The following NRXN3 variants were observed in gnomAD, a reference collection of about 807,000 sequenced individuals.
NRXN3 encodes neurexin 3.
Under a neutral mutation model 137.6 loss-of-function variants are expected in NRXN3, and 32 were observed. That is an observed-to-expected ratio of 0.23 (90% CI 0.18 to 0.31). NRXN3 has a LOEUF of 0.31. Ranked by LOEUF, NRXN3 falls within the 10% of genes least tolerant of loss-of-function variation. The pLI is 1.00. For missense variants in NRXN3, 1,574 were observed against 2,062.5 expected (o/e 0.76, Z 4.59); for synonymous variants, 798 against 784.5 (o/e 1.02, Z -0.29).
intron 10 of NRXN3, among the ~76,000 whole-genome samples, chr14:78,940,030 G>C (rs2099350017): frequency 6.6e-6 from 1 of 152,108 alleles, no homozygotes; most frequent in African/African-American, 2.4e-5. Flanking sequence ...TTTTGATCTA[G>C]GAGATAAAAC....
chr14:78,908,449 G>A (rs748191485), intron 10 of NRXN3, among the ~76,000 whole-genome samples: 2 of 151,670 alleles, frequency 1.3e-5, no homozygotes, highest in Admixed American at 6.6e-5. Flanking sequence ...TCTGATTGTT[G>A]GAACTTCCTC....
chr14:79,571,038 C>G (rs1315952368), intron 16 of NRXN3, among the ~76,000 whole-genome samples: 38 of 152,162 alleles, frequency 2.5e-4, no homozygotes, highest in Non-Finnish European at 4.4e-5. Flanking sequence ...AGGGCTTCAA[C>G]AGATGATTTT....
chr14:79,781,073 T>C (rs2099112398), intron 19 of NRXN3, among the ~76,000 whole-genome samples: 1 of 152,120 alleles, frequency 6.6e-6, no homozygotes, highest in Non-Finnish European at 1.5e-5. Context: ...ACTAAACCCT[T>C]AAAACTACAT....
At chr14:79,233,539 T>C (rs753665123) in intron 15 of NRXN3, among the ~76,000 whole-genome samples, 1 of 152,184 alleles carries the variant, frequency 6.6e-6, no homozygotes, top group Non-Finnish European at 1.5e-5. Flanking sequence ...GAGCCTATAA[T>C]GAACTCCAGT....
chr14:79,301,724 T>C (rs1441887469), intron 15 of NRXN3, among the ~76,000 whole-genome samples: 3 of 151,542 alleles, frequency 2.0e-5, no homozygotes, highest in Non-Finnish European at 4.4e-5. Context: ...GTGTATGTAT[T>C]TGTGGGGTGT....
intron 15 of NRXN3, among the ~76,000 whole-genome samples, chr14:79,270,548 C>T (rs2079148971): frequency 6.6e-6 from 1 of 152,128 alleles, no homozygotes; most frequent in African/African-American, 2.4e-5. Flanking sequence ...TTTAAGCTGT[C>T]TGGCTCTAGG....
chr14:79,810,570 A>G (rs2099228395), intron 20 of NRXN3, among the ~76,000 whole-genome samples: 1 of 152,188 alleles, frequency 6.6e-6, no homozygotes, highest in South Asian at 2.1e-4. Flanking sequence ...TCACATTTGC[A>G]TTTCGGTGTT....
At chr14:78,269,819 A>G (rs147091784) in intron 2 of NRXN3, among the ~76,000 whole-genome samples, 1 of 152,160 alleles carries the variant, frequency 6.6e-6, no homozygotes, top group Non-Finnish European at 1.5e-5. Flanking sequence ...TGCTTCTCCT[A>G]GAACATTCAT....
intron 15 of NRXN3, among the ~76,000 whole-genome samples, chr14:79,273,559 A>G (rs10147489): frequency 0.35 from 52,407 of 151,840 alleles, 9,323 homozygotes; most frequent in Admixed American, 0.45. Context: ...GCATGAACCC[A>G]GGAGGCGCAG....
chr14:79,295,891 G>A (rs752368678), intron 15 of NRXN3, among the ~76,000 whole-genome samples: 10 of 152,004 alleles, frequency 6.6e-5, no homozygotes, highest in African/African-American at 9.6e-5. Flanking sequence ...TACTTTTTTC[G>A]CTATAGAAGT....
At chr14:78,678,714 C>A (rs2098038552) in intron 6 of NRXN3, among the ~76,000 whole-genome samples, 1 of 152,050 alleles carries the variant, frequency 6.6e-6, no homozygotes, top group South Asian at 2.1e-4. Context: ...GCCAGATTTA[C>A]CCTGTAAAAC....
At position 79,504,482 on chromosome 14, in the gene NRXN3, C is replaced by T. The variant is rs74614571; in HGVS notation, c.3444+37080C>T. 7.3e-3 allele frequency among the ~76,000 whole-genome samples: 1,107 copies of T among 151,234 alleles called. 105 individuals carry two copies. In the East Asian group the frequency reaches 0.18, roughly 24 times the overall value. ...AACTTACGTCTTCCAAAAAGACTAC[C>T]AGGATTAAACCAACCACTGAATCAT... On this transcript the variant is annotated intron_variant, in intron 16 of 20. Coordinates refer to ENST00000335750, the MANE Select transcript of NRXN3 (RefSeq NM_001330195.2).
At chr14:79,780,133 G>T (rs1433799052) in intron 19 of NRXN3, among the ~76,000 whole-genome samples, 1 of 151,674 alleles carries the variant, frequency 6.6e-6, no homozygotes, top group Non-Finnish European at 1.5e-5. Context: ...TATCCCTAAG[G>T]TTCCACAAGT....
chr14:78,421,918 C>T (rs544321250), intron 4 of NRXN3, among the ~76,000 whole-genome samples: 2 of 152,230 alleles, frequency 1.3e-5, no homozygotes, highest in East Asian at 3.9e-4. Flanking sequence ...CAACAAGCGC[C>T]AGCTATTTCT....
chr14:78,691,972 G>T (rs1386611868), intron 6 of NRXN3, among the ~76,000 whole-genome samples: 2 of 152,070 alleles, frequency 1.3e-5, no homozygotes, highest in African/African-American at 2.4e-5. Context: ...GATGACACGG[G>T]GTTAGTGCTA....
At chr14:78,901,801 C>T (rs530252433) in intron 10 of NRXN3, among the ~76,000 whole-genome samples, 1 of 152,014 alleles carries the variant, frequency 6.6e-6, no homozygotes, top group African/African-American at 2.4e-5. Flanking sequence ...CCTGGGGTGC[C>T]TCTTAGCTCC....
At chr14:79,814,982 T>C (rs1335991844) in intron 20 of NRXN3, among the ~76,000 whole-genome samples, 6 of 152,330 alleles carry the variant, frequency 3.9e-5, no homozygotes, top group South Asian at 2.1e-4. Context: ...TCAACTGATA[T>C]ACATTTTACT....
At chr14:78,918,165 A>T (rs2099261091) in intron 10 of NRXN3, among the ~76,000 whole-genome samples, 1 of 151,138 alleles carries the variant, frequency 6.6e-6, no homozygotes, top group South Asian at 2.1e-4. Flanking sequence ...CATGCCCGTA[A>T]TCCCAGCTAT....
At chr14:79,117,785 C>T (rs1010209694) in intron 15 of NRXN3, among the ~76,000 whole-genome samples, 2 of 152,178 alleles carry the variant, frequency 1.3e-5, no homozygotes, top group African/African-American at 4.8e-5. Context: ...TTGAAGGAGA[C>T]ACCACCTTTC....
Sources: gnomAD v4.1 joint callset for allele counts (sites outside exome capture counted in the v4.1 genomes callset) on GRCh38, gnomAD v4.1.1 for gene constraint, MANE v1.5 for transcripts, NCBI Gene and HGNC (gene_info 2026-07-23, HGNC 2026-07-21) for gene names.